DEPDC5: variants seen among roughly 807,000 people sequenced by gnomAD.
The protein encoded by DEPDC5 is GATOR1 complex protein DEPDC5.
In DEPDC5, 73 loss-of-function variants were observed where a neutral mutation model predicts 217.3. That is an observed-to-expected ratio of 0.34 (90% CI 0.28 to 0.41). The LOEUF is 0.41. Among genes scored for constraint, DEPDC5 ranks in the 10% least tolerant of loss-of-function variants. The probability of loss-of-function intolerance (pLI) is 1.00; values close to 1 mark genes in which losing one functional copy is unlikely to be tolerated. For synonymous variants in DEPDC5, 733 were observed against 756.7 expected (o/e 0.97, Z 0.51); for missense variants, 1,675 against 2,070.1 (o/e 0.81, Z 3.70).
chr22:31,898,269 A>G (rs1285351591), intron 40 of DEPDC5, among the ~76,000 whole-genome samples: 1 of 152,144 alleles, frequency 6.6e-6, no homozygotes, highest in Non-Finnish European at 1.5e-5. Context: ...ACCCAGGGTC[A>G]GCCTGGACCT....
At chr22:31,892,405 C>T (rs1253304668) in intron 38 of DEPDC5, among the ~76,000 whole-genome samples, 2 of 152,132 alleles carry the variant, frequency 1.3e-5, no homozygotes, top group Admixed American at 6.6e-5. Context: ...TACATCTGGC[C>T]GGGCATGGTG....
intron 33 of DEPDC5, among the ~76,000 whole-genome samples, chr22:31,866,467 C>A (rs1327931871): frequency 2.0e-5 from 3 of 152,104 alleles, no homozygotes; most frequent in Non-Finnish European, 4.4e-5. Context: ...CTCACTGCAA[C>A]CTCCGCCTCC....
chr22:31,847,050 A>G, intron 31 of DEPDC5, 83 bp downstream of exon 31: 1 of 1,583,724 alleles, frequency 6.3e-7, no homozygotes, highest in African/African-American at 1.3e-5. Flanking sequence ...GAGGGGGTGA[A>G]ATATTTCCTT....
intron 14 of DEPDC5, among the ~76,000 whole-genome samples, chr22:31,800,079 G>A (rs1011036967): frequency 6.6e-6 from 1 of 152,102 alleles, no homozygotes; most frequent in Admixed American, 6.6e-5. Context: ...GGGATTTCTG[G>A]TGTGAGCCAC....
intron 21 of DEPDC5, among the ~76,000 whole-genome samples, chr22:31,818,615 C>G (rs1396554692): frequency 6.6e-6 from 1 of 152,184 alleles, no homozygotes; most frequent in African/African-American, 2.4e-5. Flanking sequence ...CTAGCTCTGC[C>G]AAGATCTGCC....
intron 7 of DEPDC5, among the ~76,000 whole-genome samples, chr22:31,777,558 C>G (rs1374485392): frequency 6.6e-6 from 1 of 151,884 alleles, no homozygotes; most frequent in Non-Finnish European, 1.5e-5. Context: ...CCATGCCTGG[C>G]CAAGAAGCCC....
chr22:31,842,073 A>G (rs1163651978), intron 27 of DEPDC5, among the ~76,000 whole-genome samples: 1 of 152,230 alleles, frequency 6.6e-6, no homozygotes, highest in Admixed American at 6.5e-5. Context: ...AGGTGCTTCT[A>G]AAAATGTAAG....
intron 24 of DEPDC5, among the ~76,000 whole-genome samples, chr22:31,826,909 T>C (rs1361220632): frequency 6.6e-6 from 1 of 151,950 alleles, no homozygotes; most frequent in African/African-American, 2.4e-5. Flanking sequence ...TTTTTTTTTT[T>C]TTTTTAAGAG....
intron 4 of DEPDC5, among the ~76,000 whole-genome samples, chr22:31,763,458 G>C (rs1297658704): frequency 1.3e-5 from 2 of 149,094 alleles, no homozygotes; most frequent in African/African-American, 5.0e-5. Flanking sequence ...TTCCCTTTCA[G>C]ACAGGGCCTC....
chr22:31,785,158 G>C (rs570869325), intron 10 of DEPDC5: 1 of 251,988 alleles, frequency 4.0e-6, no homozygotes, highest in African/African-American at 2.2e-5. Flanking sequence ...CTAACTAGAA[G>C]TTCTAGACAG....
At position 31,770,310 on chromosome 22, in the gene DEPDC5, C is replaced by T. The variant is rs577558446; in HGVS notation, c.413+1447C>T. ...AAGGTATCTCATGAAATATACATTC[C>T]TCTCCCCAGAAACAACTTGTTTCTT... On this transcript the variant is annotated intron_variant, in intron 7 of 42. Transcript: ENST00000651528. 1.9e-4 allele frequency among the ~76,000 whole-genome samples: 29 copies of T among 151,460 alleles called. No homozygotes were observed. In the South Asian group the frequency reaches 6.0e-3, roughly 32 times the overall value.
chr22:31,797,725 T>C (rs2086408206), intron 13 of DEPDC5, 22 bp downstream of exon 13: 3 of 1,584,164 alleles, frequency 1.9e-6, no homozygotes, highest in Non-Finnish European at 1.7e-6. Flanking sequence ...ATGTAATAGA[T>C]GGTGCGGCGG....
At chr22:31,827,058 T>G (rs1602209809) in intron 24 of DEPDC5, among the ~76,000 whole-genome samples, 1 of 152,240 alleles carries the variant, frequency 6.6e-6, no homozygotes, top group East Asian at 1.9e-4. Flanking sequence ...CACACCTGGC[T>G]TAATTATATA....
Position 31,765,036 on chromosome 22 carries a change from C to T in DEPDC5, c.255C>T (p.Val85=), listed in dbSNP as rs764133363. ...TCCGGCTGAGACCTTATCAGGATGT[C>T]TATGTTAATGTCGTAGACCCTAAGG... is the stretch of plus-strand genomic sequence containing the variant. ...QVFRLRPYQD[V]YVNVVDPKDV... The change falls in exon 5 of 43, where the codon GTC becomes GTT. Residue 85 remains valine, a synonymous_variant. Transcript: ENST00000651528. The T allele has an allele frequency of 3.1e-6, 5 of 1,613,842 alleles. No homozygotes were observed. The highest frequency in any genetic ancestry group is 1.3e-5 in the African/African-American group (1 of 74,922).
intron 31 of DEPDC5, among the ~76,000 whole-genome samples, chr22:31,854,687 G>A (rs2092198337): frequency 6.6e-6 from 1 of 152,182 alleles, no homozygotes; most frequent in African/African-American, 2.4e-5. Flanking sequence ...TACCACTTAG[G>A]AAGAATAGTG....
intron 20 of DEPDC5, among the ~76,000 whole-genome samples, chr22:31,812,485 C>T (rs1309107079): frequency 3.2e-5 from 4 of 125,174 alleles, no homozygotes; most frequent in African/African-American, 9.4e-5. Context: ...AGTGTAGTGG[C>T]GCGATCTCGG....
chr22:31,879,628 C>T lies in DEPDC5; in HGVS notation c.3909C>T (p.Leu1303=), dbSNP rs545389943. The stretch of plus-strand genomic sequence containing the variant: ...AGGTGGCCTTTGTGGCAGAAGAGCT[C>T]GTGCACTCTGAGATTCCTGCCTTTC... The part of the protein sequence containing the change: ...WFEVAFVAEE[L]VHSEIPAFLL... Residue 1303 remains leucine, a synonymous_variant, in exon 38 of 43, where the codon CTC becomes CTT. Transcript: ENST00000651528. 8.1e-6 allele frequency: 13 copies of T among 1,614,030 alleles called. No homozygotes were observed. In the East Asian group the frequency reaches 1.3e-4, roughly 17 times the overall value.
At chr22:31,825,043 A>T (rs2090035107) in intron 24 of DEPDC5, among the ~76,000 whole-genome samples, 1 of 151,364 alleles carries the variant, frequency 6.6e-6, no homozygotes, top group Non-Finnish European at 1.5e-5. Flanking sequence ...TATGCCAAGG[A>T]GCCATTTTTA....
At chr22:31,843,252 G>C in intron 28 of DEPDC5, 40 bp downstream of exon 28, 2 of 1,574,834 alleles carry the variant, frequency 1.3e-6, no homozygotes, top group Non-Finnish European at 1.7e-6. Context: ...TTATTGTCCT[G>C]AATTATGGCC....
Sources: allele counts gnomAD v4.1 joint callset (sites outside exome capture counted in the v4.1 genomes callset), GRCh38; gene constraint gnomAD v4.1.1; transcripts MANE v1.5; gene names NCBI Gene and HGNC (gene_info 2026-07-23, HGNC 2026-07-21).